MAGI2: variants seen among roughly 807,000 people sequenced by gnomAD.
MAGI2 encodes the protein membrane-associated guanylate kinase, WW and PDZ domain-containing protein 2.
A neutral mutation model predicts 133.3 loss-of-function variants in MAGI2; 35 were observed. The observed-to-expected ratio is 0.26, with a 90% CI of 0.20 to 0.35. The LOEUF (loss-of-function observed/expected upper bound fraction) is 0.35, where lower values mean the gene tolerates loss of function less well. Among genes scored for constraint, MAGI2 ranks in the 10% least tolerant of loss-of-function variants. MAGI2 has a pLI of 1.00. For synonymous variants in MAGI2, 729 were observed against 710.6 expected (o/e 1.03, Z -0.41); for missense variants, 1,636 against 1,863.4 (o/e 0.88, Z 2.25).
At chr7:78,151,301 T>G (rs1263892282) in intron 16 of MAGI2, among the ~76,000 whole-genome samples, 1 of 152,124 alleles carries the variant, frequency 6.6e-6, no homozygotes, top group Non-Finnish European at 1.5e-5. Flanking sequence ...GTTGCTTTGT[T>G]AATGAGAATT....
At chr7:78,757,584 A>G (rs1357262978) in intron 2 of MAGI2, among the ~76,000 whole-genome samples, 6 of 152,142 alleles carry the variant, frequency 3.9e-5, no homozygotes, top group Non-Finnish European at 7.4e-5. Context: ...ACTAAAGCCA[A>G]TGGACATTAG....
intron 1 of MAGI2, among the ~76,000 whole-genome samples, chr7:79,416,731 CT>C (rs1360457770): frequency 1.5e-5 from 2 of 129,330 alleles, no homozygotes; most frequent in Non-Finnish European, 3.1e-5. Context: ...TTTTCTTTTT[CT>C]TTTTTTTTTT....
At chr7:78,619,861 A>G (rs1807537190) in intron 3 of MAGI2, among the ~76,000 whole-genome samples, 3 of 152,008 alleles carry the variant, frequency 2.0e-5, no homozygotes, top group African/African-American at 7.2e-5. Flanking sequence ...ATAAACATTT[A>G]GTGAGATCAG....
At chr7:78,753,538 AT>A (rs1437415510) in intron 2 of MAGI2, among the ~76,000 whole-genome samples, 1 of 152,168 alleles carries the variant, frequency 6.6e-6, no homozygotes, top group Non-Finnish European at 1.5e-5. Context: ...GGCAGAAAAA[AT>A]ATTTAAATAC....
chr7:78,205,680 T>G (rs1346108066), intron 10 of MAGI2, among the ~76,000 whole-genome samples: 1 of 152,212 alleles, frequency 6.6e-6, no homozygotes, highest in African/African-American at 2.4e-5. Context: ...TATTTTTATT[T>G]GCGAAATCTG....
At chr7:78,734,836 G>A (rs894576287) in intron 2 of MAGI2, among the ~76,000 whole-genome samples, 1 of 152,124 alleles carries the variant, frequency 6.6e-6, no homozygotes, top group African/African-American at 2.4e-5. Context: ...AGGTCAGTGA[G>A]TGATCCCAGG....
At chr7:79,346,912 A>G (rs1204214342) in intron 1 of MAGI2, among the ~76,000 whole-genome samples, 13 of 152,030 alleles carry the variant, frequency 8.6e-5, no homozygotes, top group Admixed American at 8.5e-4. Context: ...CATCTGTGAT[A>G]ATAGCTCTAA....
chr7:78,846,894 G>C (rs930820885), intron 2 of MAGI2, among the ~76,000 whole-genome samples: 2 of 151,812 alleles, frequency 1.3e-5, no homozygotes, highest in African/African-American at 4.8e-5. Flanking sequence ...TTCCTGGTAG[G>C]GGAAGGGTTT....
At chr7:78,108,756 G>A (rs1033446379) in intron 20 of MAGI2, among the ~76,000 whole-genome samples, 5 of 129,906 alleles carry the variant, frequency 3.8e-5, no homozygotes, top group Non-Finnish European at 8.8e-5. Context: ...GTGTATATAC[G>A]TGAGTGTGTG....
chr7:79,404,906 C>A (rs1845704534), intron 1 of MAGI2, among the ~76,000 whole-genome samples: 1 of 152,004 alleles, frequency 6.6e-6, no homozygotes, highest in African/African-American at 2.4e-5. Flanking sequence ...CAAAGGAGAC[C>A]AAAGGAGATA....
intron 1 of MAGI2, among the ~76,000 whole-genome samples, chr7:79,199,142 T>C (rs1828364567): frequency 6.6e-6 from 1 of 152,106 alleles, no homozygotes; most frequent in South Asian, 2.1e-4. Context: ...ATTGAAATAC[T>C]AATTTTATTA....
At chr7:79,282,258 A>T (rs779740999) in intron 1 of MAGI2, among the ~76,000 whole-genome samples, 9 of 152,286 alleles carry the variant, frequency 5.9e-5, no homozygotes, top group Non-Finnish European at 1.0e-4. Context: ...GTGGCAGAAC[A>T]TTCAAAATTA....
At chr7:78,444,588 G>A (rs191117010) in intron 6 of MAGI2, among the ~76,000 whole-genome samples, 1,637 of 152,104 alleles carry the variant, frequency 0.011, 14 homozygotes, top group Non-Finnish European at 0.015. Context: ...TAGTATTATT[G>A]TATTGGAGAG....
intron 2 of MAGI2, among the ~76,000 whole-genome samples, chr7:78,732,413 T>G (rs1276950552): frequency 6.6e-6 from 1 of 152,140 alleles, no homozygotes; most frequent in African/African-American, 2.4e-5. Flanking sequence ...TCAGATAGAT[T>G]GTGTCCCTTT....
chr7:78,249,905 C>T (rs62463889), intron 10 of MAGI2, among the ~76,000 whole-genome samples: 43,431 of 151,712 alleles, frequency 0.29, 6,372 homozygotes, highest in Middle Eastern at 0.38. Context: ...ATTTACTTAC[C>T]CTGATTTGAT....
chr7:79,007,896 G>GTT (rs138868147), intron 1 of MAGI2, among the ~76,000 whole-genome samples: 1 of 149,996 alleles, frequency 6.7e-6, no homozygotes, highest in African/African-American at 2.4e-5. Flanking sequence ...AGAATGTAGG[G>GTT]TTTTTTTTTC....
rs148021488 is a variant in MAGI2 at position 78,205,423 on chromosome 7, C to T, written c.2048-4230G>A. ...CTGGGATTACAGATGTGAGCCACTGCGCCTGGCCCAAAATACAACTTTTAA... is the reference window on the plus strand; with the variant it reads ...CTGGGATTACAGATGTGAGCCACTGTGCCTGGCCCAAAATACAACTTTTAA... On this transcript the variant is annotated intron_variant, in intron 10 of 21. Coordinates refer to ENST00000354212, the MANE Select transcript of MAGI2 (RefSeq NM_012301.4). Among the ~76,000 whole-genome samples, 509 of 152,278 alleles carry T rather than the reference C, an allele frequency of 3.3e-3. 1 individual carries two copies. Among genetic ancestry groups the T allele is most frequent in the African/African-American group, 0.011 (476 of 41,554 alleles).
chr7:79,400,465 T>G (rs767482916), intron 1 of MAGI2, among the ~76,000 whole-genome samples: 18 of 152,164 alleles, frequency 1.2e-4, no homozygotes, highest in Non-Finnish European at 2.2e-4. Flanking sequence ...AGGCAAGCAA[T>G]TTACAGCTCA....
intron 21 of MAGI2, among the ~76,000 whole-genome samples, chr7:78,034,613 T>C (rs146720506): frequency 0.061 from 9,257 of 152,074 alleles, 420 homozygotes; most frequent in Non-Finnish European, 0.097. Context: ...CTGCAACCTC[T>C]GCCTCCCGGG....
Sources: gnomAD v4.1 joint callset for allele counts (sites outside exome capture counted in the v4.1 genomes callset) on GRCh38, gnomAD v4.1.1 for gene constraint, MANE v1.5 for transcripts, NCBI Gene and HGNC (gene_info 2026-07-23, HGNC 2026-07-21) for gene names.